Variants in PCSK2 observed in about 807,000 individuals in gnomAD.
PCSK2 encodes the protein proprotein convertase subtilisin/kexin type 2.
Under a neutral mutation model 69.7 loss-of-function variants are expected in PCSK2, and 14 were observed. The ratio of observed to expected loss-of-function variants is 0.20; its 90% CI spans 0.13 to 0.31. The LOEUF (loss-of-function observed/expected upper bound fraction) is 0.31. PCSK2 is among the 10% of genes least tolerant of loss of function. PCSK2 has a pLI of 1.00. For missense variants in PCSK2, 544 were observed against 842.5 expected (o/e 0.65, Z 4.39); for synonymous variants, 307 against 320.7 (o/e 0.96, Z 0.46).
intron 1 of PCSK2, among the ~76,000 whole-genome samples, chr20:17,230,340 C>G (rs1986101518): frequency 6.6e-6 from 1 of 152,198 alleles, no homozygotes; most frequent in African/African-American, 2.4e-5. Flanking sequence ...TAAATTATCT[C>G]ATTCTAAGCT....
At chr20:17,445,185 A>C (rs2032674642) in intron 8 of PCSK2, among the ~76,000 whole-genome samples, 1 of 152,194 alleles carries the variant, frequency 6.6e-6, no homozygotes, top group African/African-American at 2.4e-5. Context: ...AAAACCAGCC[A>C]TTATGGGACA....
intron 2 of PCSK2, among the ~76,000 whole-genome samples, chr20:17,331,820 A>G (rs1367825177): frequency 1.3e-5 from 2 of 152,096 alleles, no homozygotes; most frequent in African/African-American, 2.4e-5. Context: ...TATTTGATAA[A>G]TGGTAACTAA....
chr20:17,433,808 TCTCTCC>T lies in PCSK2; in HGVS notation c.710-2898_710-2893del, dbSNP rs1237540522. ...ATTTCTCTCTCTCTCTCTCTCTCTC[TCTCTCC>T]CCCCACTTCCTTCCCTCCTCCTCCT... is the stretch of plus-strand genomic sequence containing the variant. On this transcript the variant is annotated intron_variant, in intron 7 of 11. Transcript: ENST00000262545. Among the ~76,000 whole-genome samples the T allele has an allele frequency of 2.6e-5, 3 of 117,068 alleles. 1 individual carries two copies. The highest frequency in any genetic ancestry group is 5.4e-5 in the Non-Finnish European group (3 of 55,374). The allele number at this position is 117,068 out of a possible 152,430, so 76.8% of individuals were successfully genotyped here.
At chr20:17,309,921 G>A (rs1409164214) in intron 2 of PCSK2, among the ~76,000 whole-genome samples, 4 of 151,436 alleles carry the variant, frequency 2.6e-5, no homozygotes, top group Non-Finnish European at 5.9e-5. Context: ...AAGGGAAGGG[G>A]AAGGGGAAGG....
chr20:17,337,197 T>C (rs1319470606), intron 2 of PCSK2, among the ~76,000 whole-genome samples: 1 of 152,224 alleles, frequency 6.6e-6, no homozygotes, highest in Non-Finnish European at 1.5e-5. Flanking sequence ...GTTTCCAATA[T>C]GTGCTTCCTA....
At chr20:17,270,958 T>C (rs935475813) in intron 2 of PCSK2, among the ~76,000 whole-genome samples, 21 of 152,096 alleles carry the variant, frequency 1.4e-4, no homozygotes, top group African/African-American at 5.1e-4. Context: ...CTAGTTAGTC[T>C]GTAAAATGCC....
rs1272171636 is a variant in PCSK2 at position 17,479,518 on chromosome 20, G to A, written c.1431-2066G>A. 4 of 372,758 alleles carry A rather than the reference G, an allele frequency of 1.1e-5. No individual in the cohort carries two copies. In the East Asian group the frequency reaches 1.9e-4, roughly 18 times the overall value. The allele number at this position is 372,758 out of a possible 1,614,324, so 23.1% of individuals were successfully genotyped here. A position where few individuals can be genotyped will look rare whatever the true frequency, so the allele number is the denominator to read the frequency against. On this transcript the variant is annotated intron_variant, in intron 11 of 11. Coordinates refer to ENST00000262545, the MANE Select transcript of PCSK2 (RefSeq NM_002594.5). The stretch of plus-strand genomic sequence containing the variant: ...TTATTTAACCACACAAGAATCATAC[G>A]GCCGGGCGCGGTGGCTCACGCCTGT...
chr20:17,481,416 A>AGG, intron 11 of PCSK2, among the ~76,000 whole-genome samples, 168 bp from the exon 12 acceptor site: 1 of 125,834 alleles, frequency 7.9e-6, no homozygotes, highest in African/African-American at 3.0e-5. Context: ...AAAAAAAAAG[A>AGG]GATAAGTAAC....
chr20:17,456,977 C>T (rs2032934590), intron 10 of PCSK2, among the ~76,000 whole-genome samples: 1 of 152,160 alleles, frequency 6.6e-6, no homozygotes, highest in African/African-American at 2.4e-5. Flanking sequence ...ATGGGCTTTC[C>T]TGGGAGACCT....
intron 2 of PCSK2, among the ~76,000 whole-genome samples, chr20:17,324,010 T>G (rs1450682143): frequency 1.3e-5 from 2 of 152,048 alleles, no homozygotes; most frequent in Non-Finnish European, 2.9e-5. Context: ...TTGATGGGAG[T>G]TGGTGGACAA....
chr20:17,360,975 C>G (rs748086519), intron 4 of PCSK2, among the ~76,000 whole-genome samples: 3 of 152,186 alleles, frequency 2.0e-5, no homozygotes, highest in Non-Finnish European at 4.4e-5. Context: ...ATCAATTTCT[C>G]TAGACTCACA....
chr20:17,466,067 GTTGT>G (rs771134607), intron 11 of PCSK2, among the ~76,000 whole-genome samples: 2 of 152,082 alleles, frequency 1.3e-5, no homozygotes, highest in African/African-American at 2.4e-5. Context: ...CCTGCTTTTG[GTTGT>G]GAGCCTTAAC....
chr20:17,326,921 A>G (rs910463691), intron 2 of PCSK2, among the ~76,000 whole-genome samples: 2 of 152,194 alleles, frequency 1.3e-5, no homozygotes, highest in South Asian at 2.1e-4. Flanking sequence ...GCCTGCCCTC[A>G]GTCCCTATGC....
chr20:17,413,668 T>C (rs1448356271), intron 6 of PCSK2, among the ~76,000 whole-genome samples: 1 of 152,230 alleles, frequency 6.6e-6, no homozygotes, highest in Non-Finnish European at 1.5e-5. Context: ...AACTCAGCTC[T>C]GGACCAAGTG....
intron 5 of PCSK2, among the ~76,000 whole-genome samples, chr20:17,404,867 C>T (rs1052083491): frequency 7.9e-5 from 12 of 152,302 alleles, no homozygotes; most frequent in East Asian, 1.9e-4. Context: ...TTTGTCACAA[C>T]GACTTATCTC....
intron 6 of PCSK2, among the ~76,000 whole-genome samples, chr20:17,414,787 T>A (rs1162477836): frequency 1.3e-5 from 2 of 152,196 alleles, no homozygotes; most frequent in African/African-American, 2.4e-5. Context: ...AAATCCTCAA[T>A]AAAATACTGG....
At chr20:17,268,368 A>G (rs937490740) in intron 2 of PCSK2, among the ~76,000 whole-genome samples, 7 of 152,160 alleles carry the variant, frequency 4.6e-5, no homozygotes, top group Non-Finnish European at 1.0e-4. Context: ...AGTAGAGCAG[A>G]GTATGGGAAG....
At chr20:17,359,974 TA>T (rs2030334891) in intron 3 of PCSK2, among the ~76,000 whole-genome samples, 1 of 152,212 alleles carries the variant, frequency 6.6e-6, no homozygotes, top group East Asian at 1.9e-4. Flanking sequence ...GAACATGCAC[TA>T]AAGGTGAGCC....
chr20:17,259,351 G>A (rs2122996019), intron 1 of PCSK2, among the ~76,000 whole-genome samples: 1 of 152,308 alleles, frequency 6.6e-6, no homozygotes, highest in East Asian at 1.9e-4. Flanking sequence ...CAAACAGCAT[G>A]TCTTCATCAA....
Sources: gnomAD v4.1 joint callset for allele counts (sites outside exome capture counted in the v4.1 genomes callset) on GRCh38, gnomAD v4.1.1 for gene constraint, MANE v1.5 for transcripts, NCBI Gene and HGNC (gene_info 2026-07-23, HGNC 2026-07-21) for gene names.